Variants in TIA1 observed in about 807,000 individuals in gnomAD.
The protein encoded by TIA1 is cytotoxic granule associated RNA binding protein TIA1.
Under a neutral mutation model 65.9 loss-of-function variants are expected in TIA1, and 23 were observed. The ratio of observed to expected loss-of-function variants is 0.35; its 90% confidence interval spans 0.25 to 0.49. TIA1 has a LOEUF of 0.49. Among genes scored for constraint, TIA1 ranks in the 20% least tolerant of loss-of-function variants. The probability of loss-of-function intolerance (pLI) is 0.98; values close to 1 mark genes in which losing one functional copy is unlikely to be tolerated. For missense variants in TIA1, 371 were observed against 477.9 expected (o/e 0.78, Z 2.09); for synonymous variants, 147 against 149.4 (o/e 0.98, Z 0.12).
At chr2:70,218,088 G>A (rs957703457) in intron 7 of TIA1, among the ~76,000 whole-genome samples, 1 of 152,256 alleles carries the variant, frequency 6.6e-6, no homozygotes, top group Non-Finnish European at 1.5e-5. Context: ...AACAAATAAA[G>A]CAATTACATA....
intron 6 of TIA1, among the ~76,000 whole-genome samples, chr2:70,226,923 TGGCA>T (rs1195243884): frequency 1.3e-5 from 2 of 152,160 alleles, no homozygotes; most frequent in South Asian, 2.1e-4. Context: ...CCAATACTAC[TGGCA>T]TTTACTTTCC....
chr2:70,239,463 T>TA (rs1690711102), intron 1 of TIA1, among the ~76,000 whole-genome samples: 1 of 152,122 alleles, frequency 6.6e-6, no homozygotes, highest in African/African-American at 2.4e-5. Flanking sequence ...TTTACAGAGT[T>TA]AGAGGTTTAT....
chr2:70,247,751 A>G (rs1558997733), intron 1 of TIA1, among the ~76,000 whole-genome samples: 1 of 152,164 alleles, frequency 6.6e-6, no homozygotes. Context: ...CCCTCAATTG[A>G]TATATTCCTT....
rs1276074718 is a variant in TIA1, at chr2:70,209,644, T to G, written c.*3075A>C. ...AAAATCCAGGAAGAATGAATTGAGT[T>G]CCTTCTAGGAGTTGTTTATCCCTGC... On this transcript the variant is annotated 3_prime_UTR_variant, in exon 13 of 13. Transcript: ENST00000433529. The G allele has an allele frequency of 7.5e-6, 3 of 398,280 alleles. No individual in the cohort carries two copies. The allele number at this position is 398,280 out of a possible 1,614,324, so 24.7% of individuals were successfully genotyped here.
intron 1 of TIA1, among the ~76,000 whole-genome samples, chr2:70,238,924 T>A (rs1231500638): frequency 1.3e-5 from 2 of 151,976 alleles, no homozygotes; most frequent in African/African-American, 4.8e-5. Flanking sequence ...TTAGCGGACA[T>A]GGTGGCACTA....
chr2:70,221,286 T>G (rs1047195244), intron 7 of TIA1, among the ~76,000 whole-genome samples: 1 of 152,008 alleles, frequency 6.6e-6, no homozygotes, highest in Non-Finnish European at 1.5e-5. Flanking sequence ...ATTACAAGTG[T>G]GAGCCACCAT....
chr2:70,217,436 G>A (rs2103972766), intron 7 of TIA1, among the ~76,000 whole-genome samples: 1 of 150,968 alleles, frequency 6.6e-6, no homozygotes, highest in African/African-American at 2.4e-5. Flanking sequence ...CTCGCTCTGT[G>A]GCCCAGGCTG....
chr2:70,235,541 AGT>A (rs145663932), intron 2 of TIA1, among the ~76,000 whole-genome samples: 3,127 of 147,078 alleles, frequency 0.021, 50 homozygotes, highest in Middle Eastern at 0.057. Flanking sequence ...TAGATGAATG[AGT>A]GTGTGTGTGT....
At chr2:70,243,123 T>C (rs1291104936) in intron 1 of TIA1, among the ~76,000 whole-genome samples, 1 of 152,208 alleles carries the variant, frequency 6.6e-6, no homozygotes, top group African/African-American at 2.4e-5. Context: ...GTTATGTCTT[T>C]TGCTAATGAA....
At chr2:70,212,996 A>G in intron 12 of TIA1, 151 bp from the exon 13 acceptor site, 2 of 592,138 alleles carry the variant, frequency 3.4e-6, no homozygotes, top group Non-Finnish European at 3.0e-6. Flanking sequence ...AGGGAAAATG[A>G]AATCTTTTAC....
At chr2:70,235,631 TTGAA>T (rs1435248498) in intron 2 of TIA1, among the ~76,000 whole-genome samples, 1 of 151,640 alleles carries the variant, frequency 6.6e-6, no homozygotes, top group Non-Finnish European at 1.5e-5. Context: ...CAAGAAAAAC[TTGAA>T]TGATGACCTT....
intron 2 of TIA1, among the ~76,000 whole-genome samples, chr2:70,234,856 G>A (rs1444580410): frequency 6.6e-6 from 1 of 151,954 alleles, no homozygotes; most frequent in Non-Finnish European, 1.5e-5. Context: ...CACTGTGCCC[G>A]GCTAAATAAT....
chr2:70,236,208 T>C lies in TIA1; in HGVS notation c.27-33A>G, dbSNP rs749357481. The C allele has an allele frequency of 7.6e-6, 11 of 1,441,922 alleles. No homozygotes were observed. The Admixed American group carries it at 1.3e-4, about 17-fold the overall frequency. The allele number at this position is 1,441,922 out of a possible 1,614,324, so 89.3% of individuals were successfully genotyped here. A position where few individuals can be genotyped will look rare whatever the true frequency, so the allele number is the denominator to read the frequency against. ...ACAAAGAGAAACAATTTACCTTTTT[T>C]TTTTTTTGAGACAGAGTTTCACTCT... On this transcript the variant is annotated intron_variant, in intron 1 of 12. Transcript: ENST00000433529.
chr2:70,237,619 C>T (rs186846734), intron 1 of TIA1, among the ~76,000 whole-genome samples: 1 of 151,832 alleles, frequency 6.6e-6, no homozygotes, highest in East Asian at 1.9e-4. Flanking sequence ...AATCCCAGCA[C>T]TTTGGGAGGC....
At chr2:70,214,524 G>C (rs1677699717) in intron 11 of TIA1, 30 bp from the exon 12 acceptor site, 3 of 1,522,796 alleles carry the variant, frequency 2.0e-6, no homozygotes, top group Non-Finnish European at 2.7e-6. Context: ...ATTACTTGAA[G>C]TTAACTATAT....
At chr2:70,227,052 A>C (rs549310722) in intron 6 of TIA1, among the ~76,000 whole-genome samples, 1 of 152,248 alleles carries the variant, frequency 6.6e-6, no homozygotes, top group African/African-American at 2.4e-5. Flanking sequence ...ACCCTGAAGA[A>C]GTTTTCTAAG....
At chr2:70,242,661 C>G (rs1185545873) in intron 1 of TIA1, among the ~76,000 whole-genome samples, 1 of 152,090 alleles carries the variant, frequency 6.6e-6, no homozygotes, top group African/African-American at 2.4e-5. Context: ...CAACTCCCCC[C>G]TAGGCCATGG....
At chr2:70,219,960 GTGT>G (rs924626554) in intron 7 of TIA1, among the ~76,000 whole-genome samples, 1 of 152,116 alleles carries the variant, frequency 6.6e-6, no homozygotes, top group Non-Finnish European at 1.5e-5. Context: ...CTAATGTTAT[GTGT>G]TGAATTGTGT....
chr2:70,214,413 G>A lies in TIA1; in HGVS notation c.970C>T (p.Pro324Ser). ...GNAQQIGQYM[P>S]NGWQVPAYGM... Reference sequence around the variant, plus strand: ...TATGCAGGAACTTGCCAACCATTAGGCATATACTGGCCAATTTGTTGTGCA... The same window carrying A: ...TATGCAGGAACTTGCCAACCATTAGACATATACTGGCCAATTTGTTGTGCA... Residue 324 changes from proline (P) to serine (S), a missense_variant, in exon 12 of 13, where the codon CCT becomes TCT. Physicochemically the swap from Pro to Ser is moderately conservative, Grantham distance 74. Coordinates refer to ENST00000433529, the MANE Select transcript of TIA1 (RefSeq NM_022173.4). The A allele has an allele frequency of 6.2e-7, 1 of 1,613,896 alleles. No individual in the cohort carries two copies. The highest frequency in any genetic ancestry group is 1.3e-5 in the African/African-American group (1 of 74,998).
Sources: gnomAD v4.1 joint callset for allele counts (sites outside exome capture counted in the v4.1 genomes callset) on GRCh38, gnomAD v4.1.1 for gene constraint, MANE v1.5 for transcripts, NCBI Gene and HGNC (gene_info 2026-07-23, HGNC 2026-07-21) for gene names.